Variants in GPHN observed in about 807,000 individuals in gnomAD.
GPHN encodes the protein gephyrin.
A neutral mutation model predicts 95.5 loss-of-function variants in GPHN; 17 were observed. The ratio of observed to expected loss-of-function variants is 0.18; its 90% CI spans 0.12 to 0.27. The LOEUF is 0.27. Among genes scored for constraint, GPHN ranks in the 10% least tolerant of loss-of-function variants. The pLI is 1.00. For missense variants in GPHN, 660 were observed against 978.1 expected (o/e 0.67, Z 4.34); for synonymous variants, 320 against 322.5 (o/e 0.99, Z 0.08).
At chr14:66,754,392 T>G (rs781490671) in intron 2 of GPHN, among the ~76,000 whole-genome samples, 52 of 151,972 alleles carry the variant, frequency 3.4e-4, no homozygotes, top group Non-Finnish European at 5.9e-4. Context: ...CTAGTGACTT[T>G]CATATCATAA....
the GPHN span, chr14:67,573,843 T>G: frequency 6.2e-7 from 1 of 1,613,740 alleles, no homozygotes; most frequent in Non-Finnish European, 8.5e-7. This position sits in a 1 kb window ranked among gnomAD's most constrained non-coding sequence, Gnocchi z 4.8. Flanking sequence ...GGATCTGAAC[T>G]CCCGCTGCCA....
At chr14:66,829,766 A>G (rs1024445889) in intron 4 of GPHN, among the ~76,000 whole-genome samples, 2 of 152,130 alleles carry the variant, frequency 1.3e-5, no homozygotes, top group Non-Finnish European at 2.9e-5. Context: ...GTCATTTGTG[A>G]AGCTTTTGTT....
chr14:67,252,058 GC>G, the GPHN span, among the ~76,000 whole-genome samples: 1 of 152,160 alleles, frequency 6.6e-6, no homozygotes, highest in Non-Finnish European at 1.5e-5. Context: ...CACACCACCC[GC>G]CTAAACCTTG....
the GPHN span, chr14:67,334,905 G>A: frequency 6.6e-6 from 1 of 152,200 alleles, no homozygotes. Context: ...TATTGTAACT[G>A]ACAACTGTTT....
intron 5 of GPHN, among the ~76,000 whole-genome samples, chr14:66,902,063 G>A (rs912261125): frequency 2.0e-5 from 3 of 151,728 alleles, no homozygotes; most frequent in Admixed American, 1.3e-4. Flanking sequence ...ATGTTTTATG[G>A]TTCTTCTTGT....
chr14:66,513,993 G>A (rs775741784), intron 1 of GPHN, among the ~76,000 whole-genome samples: 56 of 151,828 alleles, frequency 3.7e-4, no homozygotes, highest in Admixed American at 4.6e-4. Flanking sequence ...GAAAAATAAA[G>A]CAGCAAGGAA....
At chr14:67,585,532 A>C in the GPHN span, 1 of 1,353,988 alleles carries the variant, frequency 7.4e-7, no homozygotes, top group Non-Finnish European at 1.0e-6. Flanking sequence ...ATCTCTAACT[A>C]TGGATATATC....
At chr14:67,725,332 C>T in the GPHN span, 3 of 1,444,408 alleles carry the variant, frequency 2.1e-6, no homozygotes, top group East Asian at 2.3e-5. Flanking sequence ...CATCTATGGC[C>T]CTTACATCAG....
the GPHN span, chr14:67,562,088 G>C: frequency 6.2e-7 from 1 of 1,602,186 alleles, no homozygotes; most frequent in South Asian, 1.1e-5. Flanking sequence ...GTGGGTATGG[G>C]GCTGAGCTAC....
intron 16 of GPHN, among the ~76,000 whole-genome samples, chr14:67,118,040 A>G (rs1296296101): frequency 6.6e-6 from 1 of 152,218 alleles, no homozygotes; most frequent in African/African-American, 2.4e-5. Context: ...GTTTCTGAGA[A>G]AAAGAAAACA....
chr14:67,123,446 G>T (rs184160409), intron 17 of GPHN, among the ~76,000 whole-genome samples: 1 of 152,140 alleles, frequency 6.6e-6, no homozygotes, highest in South Asian at 2.1e-4. Context: ...AGGCCAAGGC[G>T]GGTGGATCAC....
chr14:67,611,915 T>A, the GPHN span, among the ~76,000 whole-genome samples: 1 of 152,096 alleles, frequency 6.6e-6, no homozygotes, highest in Non-Finnish European at 1.5e-5. Context: ...CCTAAGCTTG[T>A]TTTCCTGCAA....
the GPHN span, among the ~76,000 whole-genome samples, chr14:67,545,631 T>A: frequency 6.6e-6 from 1 of 152,212 alleles, no homozygotes; most frequent in Non-Finnish European, 1.5e-5. Flanking sequence ...CATTGATGTA[T>A]GAAAATTTGG....
the GPHN span, chr14:67,302,202 A>G: frequency 7.1e-7 from 1 of 1,405,158 alleles, no homozygotes. Flanking sequence ...TCAGAATTCT[A>G]ATGAATAGAG....
chr14:67,689,989 G>A, the GPHN span: 7 of 520,974 alleles, frequency 1.3e-5, no homozygotes, highest in East Asian at 3.5e-5. Flanking sequence ...CACACAGCTA[G>A]TAAGTAGTAA....
In GPHN at chr14:67,058,899, C is replaced by T. The variant is rs1009096318; in HGVS notation, c.1144+113C>T. 33 of 941,720 alleles carry T rather than the reference C, an allele frequency of 3.5e-5. 1 individual carries two copies. The South Asian group carries it at 4.1e-4, about 12-fold the overall frequency. 58.3% of individuals were successfully genotyped at this position (941,720 alleles called of 1,614,324 possible). On this transcript the variant is annotated intron_variant, in intron 11 of 22. Coordinates refer to ENST00000478722, the MANE Select transcript of GPHN (RefSeq NM_020806.5). The stretch of plus-strand genomic sequence containing the variant: ...AAAGAAAGATTATTAACCATTATTA[C>T]AGTTATCATCATTCTTTTTTTTTCT...
chr14:67,659,661 C>A, the GPHN span: 4 of 1,458,226 alleles, frequency 2.7e-6, no homozygotes, highest in Middle Eastern at 2.5e-4. Flanking sequence ...AATACCCCAA[C>A]AATATAGTTA....
At chr14:66,631,582 C>T (rs1221804382) in intron 1 of GPHN, among the ~76,000 whole-genome samples, 1 of 152,090 alleles carries the variant, frequency 6.6e-6, no homozygotes, top group Non-Finnish European at 1.5e-5. Flanking sequence ...AATTGTATCT[C>T]ATAGATTCAA....
chr14:67,200,199 GC>G, the GPHN span: 33 of 1,127,974 alleles, frequency 2.9e-5, no homozygotes, highest in Non-Finnish European at 3.9e-5. Flanking sequence ...CTCCACTGAT[GC>G]CCCCCATGGA....
Sources: gnomAD v4.1 joint callset for allele counts (sites outside exome capture counted in the v4.1 genomes callset) on GRCh38, gnomAD v4.1.1 for gene constraint, Gnocchi (gnomAD v3.1) non-coding constraint, MANE v1.5 for transcripts, NCBI Gene and HGNC (gene_info 2026-07-23, HGNC 2026-07-21) for gene names.